The following ARHGEF16 variants were observed in gnomAD, a reference collection of about 807,000 sequenced individuals.
ARHGEF16 encodes the protein Rho guanine exchange factor (GEF) 16.
ARHGEF16 carries 59 observed loss-of-function variants against 74.1 expected under a neutral mutation model. The ratio of observed to expected loss-of-function variants is 0.80; its 90% CI spans 0.65 to 0.99. The LOEUF is 0.99. Among genes scored for constraint, ARHGEF16 ranks in the 50% least tolerant of loss-of-function variants. ARHGEF16 has a pLI of 0.00. For synonymous variants in ARHGEF16, 415 were observed against 412.6 expected (o/e 1.01, Z -0.07); for missense variants, 948 against 986.6 (o/e 0.96, Z 0.52).
chr1:3,468,120 G>A (rs1639599537), intron 4 of ARHGEF16, among the ~76,000 whole-genome samples: 1 of 152,200 alleles, frequency 6.6e-6, no homozygotes, highest in South Asian at 2.1e-4. Context: ...TCTCCTGCTG[G>A]GAGCTGGGGG....
chr1:3,466,939 G>T, intron 3 of ARHGEF16: 1 of 486,868 alleles, frequency 2.1e-6, no homozygotes, highest in East Asian at 3.3e-5. Context: ...GGGCTGCTGT[G>T]AGGGTTTGGA....
In ARHGEF16 at chr1:3,473,081, C is replaced by T; in HGVS notation, c.1026C>T (p.Phe342=). The change falls in exon 7 of 15, where the codon TTC becomes TTT. Residue 342 remains phenylalanine, a synonymous_variant. Transcript: ENST00000378378. ...CCTCACCCCTCCTTGCCTTCAGGTT[C>T]TTCGAGGACCTGGAGCAGCGGCACA... The part of the protein sequence containing the change: ...ILDVLGASQR[F]FEDLEQRHKA... 1 of 1,612,256 alleles carries T rather than the reference C, an allele frequency of 6.2e-7. No individual in the cohort carries two copies. The highest frequency in any genetic ancestry group is 8.5e-7 in the Non-Finnish European group (1 of 1,179,370).
At chr1:3,470,030 G>C (rs559434484) in intron 6 of ARHGEF16, among the ~76,000 whole-genome samples, 2 of 152,208 alleles carry the variant, frequency 1.3e-5, no homozygotes, top group Non-Finnish European at 2.9e-5. Flanking sequence ...AGCTCTGGTT[G>C]CAGGGCCTGG....
intron 12 of ARHGEF16, among the ~76,000 whole-genome samples, chr1:3,478,848 C>A (rs1639972939): frequency 6.7e-6 from 1 of 149,932 alleles, no homozygotes; most frequent in Non-Finnish European, 1.5e-5. Context: ...GGAGTGGGAA[C>A]AAGGGAGGAA....
intron 5 of ARHGEF16, 22 bp downstream of exon 5, chr1:3,468,958 G>A (rs1342673461): frequency 9.0e-6 from 14 of 1,549,392 alleles, no homozygotes; most frequent in Non-Finnish European, 1.2e-5. Context: ...CTGGGCGGGA[G>A]GGCTGTCCCC....
rs1639726419 is a variant in ARHGEF16 at position 3,471,652 on chromosome 1, A to G, written c.1023-1426A>G. 2.4e-6 allele frequency: 3 copies of G among 1,226,212 alleles called. No homozygotes were observed. In the African/African-American group the frequency reaches 4.9e-5, roughly 20 times the overall value. The allele number at this position is 1,226,212 out of a possible 1,614,324, so 76.0% of individuals were successfully genotyped here. A position where few individuals can be genotyped will look rare whatever the true frequency, so the allele number is the denominator to read the frequency against. On this transcript the variant is annotated intron_variant, in intron 6 of 14. Transcript: ENST00000378378. Reference sequence around the variant, plus strand: ...TCCTCCGGTCCCCTCTGCCTCAGGCAGCTGCATGTTTGCCTCTGACCTCCT... The same window carrying G: ...TCCTCCGGTCCCCTCTGCCTCAGGCGGCTGCATGTTTGCCTCTGACCTCCT...
chr1:3,478,076 A>G (rs4422946), intron 11 of ARHGEF16, 50 bp downstream of exon 11: 1,512,327 of 1,611,332 alleles, frequency 0.94, 710,516 homozygotes, highest in South Asian at 0.97. Context: ...TGGACACTGG[A>G]CCGCTGGCCC....
At chr1:3,474,817 C>A (rs1455806530) in intron 9 of ARHGEF16, 35 bp downstream of exon 9, 1 of 1,601,824 alleles carries the variant, frequency 6.2e-7, no homozygotes, top group South Asian at 1.1e-5. Context: ...CTACCCGAGT[C>A]CTGTACCCCG....
At chr1:3,475,880 T>G in intron 9 of ARHGEF16, 90 bp from the exon 10 acceptor site, 2 of 1,323,846 alleles carry the variant, frequency 1.5e-6, no homozygotes, top group Non-Finnish European at 2.1e-6. Flanking sequence ...AGAGGCTGGC[T>G]GGGCAGGTGT....
At chr1:3,457,481 G>A (rs1349920386) in intron 1 of ARHGEF16, among the ~76,000 whole-genome samples, 1 of 152,244 alleles carries the variant, frequency 6.6e-6, no homozygotes, top group East Asian at 1.9e-4. Flanking sequence ...CAGAGCCCAA[G>A]GCGCTGGCTG....
chr1:3,474,763 C>T lies in ARHGEF16; in HGVS notation c.1361C>T (p.Ala454Val). The T allele has an allele frequency of 6.2e-7, 1 of 1,612,896 alleles. No individual in the cohort carries two copies. The highest frequency in any genetic ancestry group is 1.1e-5 in the South Asian group (1 of 91,088). Residue 454 changes from alanine to valine, a missense_variant, in exon 9 of 15, where the codon GCA (alanine) becomes GTA (valine). Transcript: ENST00000378378. ...HSERYKAASR[A>V]LKAISKLVRQ... is the part of the protein sequence containing the mutation. The stretch of plus-strand genomic sequence containing the variant: ...GAAAGGTACAAGGCTGCCAGCCGTG[C>T]ACTGAAGGCCATCAGCAAGGTAAGA...
chr1:3,462,272 C>A (rs918385334), intron 1 of ARHGEF16, among the ~76,000 whole-genome samples: 3 of 152,164 alleles, frequency 2.0e-5, no homozygotes, highest in Non-Finnish European at 4.4e-5. Flanking sequence ...ACTGGTGGGG[C>A]TCCTGAGACC....
In ARHGEF16 at chr1:3,466,153, G is replaced by T. The variant is rs961123117; in HGVS notation, c.594G>T (p.Thr198=). The part of the protein sequence containing the change: ...HTRSPAKNKK[T]LGRKRGHKGS... ...TGTGTCTCTCTTTTGTGCAGAAGAC[G>T]CTGGGGAGGAAACGTGGGCACAAGG... Residue 198 remains threonine, a synonymous_variant, in exon 3 of 15, where the codon ACG becomes ACT. Transcript: ENST00000378378. The T allele has an allele frequency of 5.2e-6, 8 of 1,548,398 alleles. No homozygotes were observed. Among genetic ancestry groups the T allele is most frequent in the Non-Finnish European group, 7.0e-6 (8 of 1,145,962 alleles).
chr1:3,467,274 G>A lies in ARHGEF16; in HGVS notation c.741G>A (p.Val247=). 4 of 1,550,412 alleles carry A rather than the reference G, an allele frequency of 2.6e-6. No individual in the cohort carries two copies. The highest frequency in any genetic ancestry group is 8.7e-7 in the Non-Finnish European group (1 of 1,146,882). Residue 247 remains valine, a synonymous_variant, in exon 4 of 15, where the codon GTG becomes GTA. Transcript: ENST00000378378. ...CCAGCCCCGAGGGAACCCAGAAGGT[G>A]GACGCCACCATTGTGGTCAAGAGCT... The part of the protein sequence containing the change: ...ESSSPEGTQK[V]DATIVVKSYR...
intron 1 of ARHGEF16, among the ~76,000 whole-genome samples, chr1:3,460,233 G>C (rs1173895685): frequency 6.6e-6 from 1 of 152,202 alleles, no homozygotes; most frequent in Non-Finnish European, 1.5e-5. Flanking sequence ...TGGCTCGCCT[G>C]ACAGGTTCCC....
At chr1:3,458,771 CAGAA>C (rs1346426088) in intron 1 of ARHGEF16, among the ~76,000 whole-genome samples, 1 of 152,286 alleles carries the variant, frequency 6.6e-6, no homozygotes, top group East Asian at 1.9e-4. Flanking sequence ...CAGCCAGCGA[CAGAA>C]AGAAAGAAAC....
intron 3 of ARHGEF16, 22 bp from the exon 4 acceptor site, chr1:3,467,146 G>C (rs1639568741): frequency 6.5e-7 from 1 of 1,545,000 alleles, no homozygotes; most frequent in African/African-American, 1.4e-5. Context: ...AGGGCCACAG[G>C]TTACCCTCCT....
At chr1:3,465,089 C>T (rs1639504519) in intron 2 of ARHGEF16, among the ~76,000 whole-genome samples, 1 of 152,248 alleles carries the variant, frequency 6.6e-6, no homozygotes, top group Non-Finnish European at 1.5e-5. Context: ...GCTGGAAGGG[C>T]CCCAGCACTC....
At chr1:3,479,994 A>AC in intron 14 of ARHGEF16, 81 bp downstream of exon 14, 1 of 1,408,346 alleles carries the variant, frequency 7.1e-7, no homozygotes, top group Middle Eastern at 1.8e-4. Context: ...CCAGGTCCAG[A>AC]GCATGCCGGG....
Sources: gnomAD v4.1 joint callset for allele counts (sites outside exome capture counted in the v4.1 genomes callset) on GRCh38, gnomAD v4.1.1 for gene constraint, MANE v1.5 for transcripts, NCBI Gene and HGNC (gene_info 2026-07-23, HGNC 2026-07-21) for gene names.